Variants in SLC9C2 observed in about 807,000 individuals in gnomAD.
SLC9C2 encodes the protein solute carrier family 9 member C2 (putative).
SLC9C2 carries 75 observed loss-of-function variants against 140.2 expected under a neutral mutation model. The observed-to-expected ratio is 0.53, with a 90% CI of 0.44 to 0.65. The LOEUF (loss-of-function observed/expected upper bound fraction) is 0.65, where lower values mean the gene tolerates loss of function less well. Ranked by LOEUF, SLC9C2 falls within the 30% of genes least tolerant of loss-of-function variation. The probability of loss-of-function intolerance (pLI) is 0.00; values close to 1 mark genes in which losing one functional copy is unlikely to be tolerated. For missense variants in SLC9C2, 1,074 were observed against 1,331.8 expected (o/e 0.81, Z 3.01); for synonymous variants, 375 against 420.9 (o/e 0.89, Z 1.34).
intron 21 of SLC9C2, among the ~76,000 whole-genome samples, chr1:173,523,351 G>A (rs1051771955): frequency 4.1e-4 from 62 of 152,088 alleles, no homozygotes; most frequent in Admixed American, 6.5e-5. Context: ...CAGCCTGGGC[G>A]GCAGAGTGAG....
Position 173,524,052 on chromosome 1 carries a change from C to G in SLC9C2, c.2557G>C (p.Ala853Pro). The change falls in exon 21 of 28, where the codon GCA becomes CCA. Residue 853 changes from alanine (A) to proline (P), a missense_variant. Physicochemically the swap from Ala to Pro is conservative, Grantham distance 27. Transcript: ENST00000367714. The stretch of plus-strand genomic sequence containing the variant: ...ATGTCAGGAGTTGGGGGTGGGATTG[C>G]CTTTGGAAAGTTATTTAGTGCTTTT... ...KLKALNNFPK[A>P]IPPPTPDIYL... is the part of the protein sequence containing the mutation. 1 of 1,613,034 alleles carries G rather than the reference C, an allele frequency of 6.2e-7. No individual in the cohort carries two copies. The highest frequency in any genetic ancestry group is 1.1e-5 in the South Asian group (1 of 90,856).
chr1:173,523,363 C>T (rs887120535), intron 21 of SLC9C2, among the ~76,000 whole-genome samples: 9 of 152,096 alleles, frequency 5.9e-5, no homozygotes, highest in African/African-American at 2.2e-4. Flanking sequence ...CAGAGTGAGA[C>T]TCTATCTCAA....
intron 5 of SLC9C2, among the ~76,000 whole-genome samples, chr1:173,584,889 T>C (rs972051548): frequency 6.6e-6 from 1 of 152,144 alleles, no homozygotes; most frequent in Admixed American, 6.6e-5. Flanking sequence ...TATTGCTACA[T>C]CTTCAAGCTC....
At chr1:173,574,006 G>T (rs1363902732) in intron 8 of SLC9C2, among the ~76,000 whole-genome samples, 1 of 152,232 alleles carries the variant, frequency 6.6e-6, no homozygotes, top group Non-Finnish European at 1.5e-5. Context: ...AAAATGGACA[G>T]AACCACCCCC....
At chr1:173,566,707 A>G (rs1358480979) in intron 9 of SLC9C2, among the ~76,000 whole-genome samples, 1 of 148,328 alleles carries the variant, frequency 6.7e-6, no homozygotes, top group East Asian at 2.0e-4. Context: ...ATTTCTTTTC[A>G]TCTACCAATT....
chr1:173,550,151 C>T (rs1164303253), intron 11 of SLC9C2, among the ~76,000 whole-genome samples: 2 of 152,244 alleles, frequency 1.3e-5, no homozygotes, highest in East Asian at 1.9e-4. Flanking sequence ...ACTATAATCT[C>T]GACACTTTGG....
chr1:173,601,984 C>T, intron 1 of SLC9C2, 129 bp from the exon 2 acceptor site: 3 of 559,214 alleles, frequency 5.4e-6, no homozygotes, highest in Non-Finnish European at 9.4e-6. Flanking sequence ...ATTAATACCT[C>T]TTGTCCTACC....
intron 9 of SLC9C2, among the ~76,000 whole-genome samples, chr1:173,565,408 T>C (rs1260796919): frequency 6.6e-6 from 1 of 152,190 alleles, no homozygotes; most frequent in Non-Finnish European, 1.5e-5. Flanking sequence ...AGGTGCCTAG[T>C]TTCATTCTTT....
At chr1:173,566,652 AT>A (rs904492514) in intron 9 of SLC9C2, among the ~76,000 whole-genome samples, 4 of 149,152 alleles carry the variant, frequency 2.7e-5, no homozygotes, top group Admixed American at 1.3e-4. Context: ...TATATTTCCT[AT>A]TTTTTTCATT....
chr1:173,557,846 A>G (rs1663816949), intron 9 of SLC9C2, among the ~76,000 whole-genome samples: 1 of 152,198 alleles, frequency 6.6e-6, no homozygotes, highest in Admixed American at 6.5e-5. Context: ...CTCCCTGAAA[A>G]GCCATACATG....
chr1:173,529,749 G>A (rs1037127008), intron 18 of SLC9C2, among the ~76,000 whole-genome samples, 156 bp downstream of exon 18: 2 of 151,836 alleles, frequency 1.3e-5, no homozygotes, highest in Non-Finnish European at 2.9e-5. Context: ...ATCAGAGACT[G>A]TTCTCTGTAG....
At chr1:173,568,380 T>C (rs1413473404) in intron 9 of SLC9C2, among the ~76,000 whole-genome samples, 1 of 148,378 alleles carries the variant, frequency 6.7e-6, no homozygotes. Context: ...TAACATGTAG[T>C]GTTTGGTTTT....
intron 4 of SLC9C2, among the ~76,000 whole-genome samples, chr1:173,593,634 C>G (rs1459178550): frequency 1.3e-5 from 2 of 152,152 alleles, no homozygotes; most frequent in African/African-American, 2.4e-5. Flanking sequence ...AGAAACCTAT[C>G]TCACATGGAA....
chr1:173,526,787 C>A, intron 18 of SLC9C2, 73 bp from the exon 19 acceptor site: 1 of 1,045,658 alleles, frequency 9.6e-7, no homozygotes, highest in Non-Finnish European at 1.4e-6. Flanking sequence ...GAAAAACATG[C>A]ATTTCTTCTT....
At position 173,533,699 on chromosome 1, in the gene SLC9C2, A is replaced by T; in HGVS notation, c.2073T>A (p.Phe691Leu). 1 of 1,611,714 alleles carries T rather than the reference A, an allele frequency of 6.2e-7. No homozygotes were observed. The highest frequency in any genetic ancestry group is 1.3e-5 in the African/African-American group (1 of 75,006). Residue 691 changes from phenylalanine (F) to leucine (L), a missense_variant, in exon 17 of 28, where the codon TTT becomes TTA. Transcript: ENST00000367714. ...IGIIDIFCVY[F>L]VKLRPDNLAL... ...CCAAGTTGTCTGGTCTCAATTTCAC[A>T]AAGTATACACAAAAGATATCAATGA...
chr1:173,528,670 T>C (rs1292849184), intron 18 of SLC9C2, among the ~76,000 whole-genome samples: 3 of 152,138 alleles, frequency 2.0e-5, no homozygotes, highest in African/African-American at 7.2e-5. Context: ...CCACAAAAAA[T>C]AGGCACCGTA....
At chr1:173,505,592 C>T (rs1317015974) in intron 25 of SLC9C2, among the ~76,000 whole-genome samples, 1 of 152,158 alleles carries the variant, frequency 6.6e-6, no homozygotes, top group Non-Finnish European at 1.5e-5. Context: ...GTTTGGAAAG[C>T]AGGGAATCCC....
At chr1:173,581,350 C>T (rs188251695) in intron 7 of SLC9C2, among the ~76,000 whole-genome samples, 14 of 152,334 alleles carry the variant, frequency 9.2e-5, no homozygotes, top group African/African-American at 3.1e-4. Flanking sequence ...TTATTTCACT[C>T]TCCTGCTTCT....
At chr1:173,594,696 A>G (rs902023509) in intron 4 of SLC9C2, among the ~76,000 whole-genome samples, 1 of 152,226 alleles carries the variant, frequency 6.6e-6, no homozygotes, top group Admixed American at 6.5e-5. Flanking sequence ...GGATAATTAA[A>G]GCATTCTGAA....
Sources: gnomAD v4.1 joint callset for allele counts (sites outside exome capture counted in the v4.1 genomes callset) on GRCh38, gnomAD v4.1.1 for gene constraint, MANE v1.5 for transcripts, NCBI Gene and HGNC (gene_info 2026-07-23, HGNC 2026-07-21) for gene names.